Variants in POLR1B observed in about 807,000 individuals in gnomAD.
POLR1B encodes the protein DNA-directed RNA polymerase I subunit RPA2.
Under a neutral mutation model 105.8 loss-of-function variants are expected in POLR1B, and 30 were observed. That is an observed-to-expected ratio of 0.28 (90% confidence interval 0.21 to 0.38). The LOEUF (loss-of-function observed/expected upper bound fraction) is 0.38. POLR1B is among the 10% of genes least tolerant of loss of function. POLR1B has a pLI of 1.00. For missense variants in POLR1B, 976 were observed against 1,435.8 expected (o/e 0.68, Z 5.17); for synonymous variants, 485 against 505.1 (o/e 0.96, Z 0.53).
intron 12 of POLR1B, among the ~76,000 whole-genome samples, chr2:112,569,880 T>A (rs1428080998): frequency 6.6e-6 from 1 of 151,708 alleles, no homozygotes. Flanking sequence ...TTTTTTTCAG[T>A]TTAATTAAAT....
chr2:112,568,594 C>A, intron 11 of POLR1B, 152 bp from the exon 12 acceptor site: 1 of 799,330 alleles, frequency 1.3e-6, no homozygotes, highest in South Asian at 1.9e-5. Flanking sequence ...CTGGTCGCTT[C>A]CCTGTGCTTC....
rs1478636098 is a variant in POLR1B, at chr2:112,579,694, AT to A, written c.*3968del. 1.3e-5 allele frequency: 2 copies of A among 152,096 alleles called. No individual in the cohort carries two copies. The highest frequency in any genetic ancestry group is 4.8e-5 in the African/African-American group (2 of 41,414). The allele number at this position is 152,096 out of a possible 1,614,324, so 9.4% of individuals were successfully genotyped here. On this transcript the variant is annotated 3_prime_UTR_variant, in exon 15 of 15. Transcript: ENST00000263331. ...ATGTTGAACATCTCTTCATGTGTTT[AT>A]TTGCCATCTGTGTATCTTCAGTGAA...
At chr2:112,572,102 T>C (rs1684625761) in intron 12 of POLR1B, among the ~76,000 whole-genome samples, 1 of 152,232 alleles carries the variant, frequency 6.6e-6, no homozygotes, top group South Asian at 2.1e-4. Context: ...TCTCACCCCA[T>C]GCTCCACTAC....
chr2:112,567,319 G>GT (rs1346018818), intron 10 of POLR1B, among the ~76,000 whole-genome samples: 1 of 151,710 alleles, frequency 6.6e-6, no homozygotes, highest in African/African-American at 2.4e-5. Context: ...TGTTGTTGTT[G>GT]TTGTTTTCAG....
chr2:112,560,124 G>GA (rs904716273), intron 9 of POLR1B, among the ~76,000 whole-genome samples: 29 of 145,816 alleles, frequency 2.0e-4, no homozygotes, highest in African/African-American at 3.3e-4. Context: ...TTTTCTTTGG[G>GA]AAAAAAAAAA....
At chr2:112,554,870 C>T (rs1683568112) in intron 7 of POLR1B, among the ~76,000 whole-genome samples, 1 of 151,936 alleles carries the variant, frequency 6.6e-6, no homozygotes, top group Non-Finnish European at 1.5e-5. Flanking sequence ...AGAGAGATCG[C>T]TACAGAAATA....
At position 112,567,980 on chromosome 2, in the gene POLR1B, A is replaced by G. The variant is rs756494753; in HGVS notation, c.1760A>G (p.Lys587Arg). The G allele has an allele frequency of 6.2e-7, 1 of 1,613,724 alleles. No individual in the cohort carries two copies. The highest frequency in any genetic ancestry group is 8.5e-7 in the Non-Finnish European group (1 of 1,179,804). Residue 587 changes from lysine to arginine, a missense_variant, in exon 11 of 15, where the codon AAA (lysine) becomes AGA (arginine). Transcript: ENST00000263331. ...TGTTAAAAACAGGTGTTGAGAGAGA[A>G]AAGAATTCCTCCCTGGATGGAAGTG... ...SLRHFKVLREKRIPPWMEVVL... is the reference protein window; with the variant it reads ...SLRHFKVLRERRIPPWMEVVL...
chr2:112,572,099 C>T (rs1299400519), intron 12 of POLR1B, among the ~76,000 whole-genome samples: 2 of 152,112 alleles, frequency 1.3e-5, no homozygotes, highest in African/African-American at 4.8e-5. Context: ...GAATCTCACC[C>T]CATGCTCCAC....
intron 4 of POLR1B, among the ~76,000 whole-genome samples, chr2:112,550,321 G>A (rs1683305903): frequency 6.6e-6 from 1 of 152,202 alleles, no homozygotes; most frequent in African/African-American, 2.4e-5. Context: ...ACAGCATGTT[G>A]TATTCTTGAG....
At chr2:112,570,386 C>A (rs1684529569) in intron 12 of POLR1B, among the ~76,000 whole-genome samples, 1 of 152,152 alleles carries the variant, frequency 6.6e-6, no homozygotes, top group African/African-American at 2.4e-5. Flanking sequence ...ATCACAGTCA[C>A]TTTTTATTCT....
chr2:112,542,258 AG>A, upstream of POLR1B: 2 of 1,534,056 alleles, frequency 1.3e-6, no homozygotes, highest in Non-Finnish European at 1.7e-6. Flanking sequence ...GGAGAAAGGG[AG>A]GGCCCGCCAC....
intron 12 of POLR1B, among the ~76,000 whole-genome samples, chr2:112,571,996 A>G (rs751747241): frequency 3.9e-5 from 6 of 152,134 alleles, no homozygotes; most frequent in Non-Finnish European, 8.8e-5. Context: ...CTCTAAGTCT[A>G]TAATTTTTTT....
chr2:112,560,602 A>G (rs1220861240), intron 9 of POLR1B, among the ~76,000 whole-genome samples: 1 of 151,936 alleles, frequency 6.6e-6, no homozygotes, highest in East Asian at 1.9e-4. Flanking sequence ...TGATTTGGAG[A>G]CAGAAATGTT....
chr2:112,569,180 A>G (rs1386622803), intron 12 of POLR1B, among the ~76,000 whole-genome samples: 1 of 152,226 alleles, frequency 6.6e-6, no homozygotes, highest in Non-Finnish European at 1.5e-5. Flanking sequence ...GAATGTCCAT[A>G]GATTTGGGTG....
At chr2:112,562,310 G>A (rs1175644886) in intron 9 of POLR1B, among the ~76,000 whole-genome samples, 1 of 152,074 alleles carries the variant, frequency 6.6e-6, no homozygotes, top group Non-Finnish European at 1.5e-5. Flanking sequence ...CATTTAGGTG[G>A]CTTAGAAATA....
chr2:112,548,362 C>CA (rs1442638040), intron 3 of POLR1B: 2 of 152,180 alleles, frequency 1.3e-5, no homozygotes, highest in African/African-American at 4.8e-5. Flanking sequence ...ATAGCTACCC[C>CA]ACTCATTGTT....
At chr2:112,565,883 C>T (rs1468416450) in intron 10 of POLR1B, among the ~76,000 whole-genome samples, 1 of 152,172 alleles carries the variant, frequency 6.6e-6, no homozygotes, top group Non-Finnish European at 1.5e-5. Context: ...CTGGCTTGGT[C>T]TTTCTGGTGA....
chr2:112,562,509 C>A (rs1006444933), intron 9 of POLR1B, among the ~76,000 whole-genome samples: 6 of 152,032 alleles, frequency 3.9e-5, no homozygotes, highest in African/African-American at 1.5e-4. Flanking sequence ...ATGAATTTCT[C>A]GGTTTCCCAC....
chr2:112,561,529 A>G (rs1445970403), intron 9 of POLR1B, among the ~76,000 whole-genome samples: 1 of 152,046 alleles, frequency 6.6e-6, no homozygotes, highest in African/African-American at 2.4e-5. Context: ...TAAAGTTACC[A>G]GTGAATATTG....
Sources: allele counts gnomAD v4.1 joint callset (sites outside exome capture counted in the v4.1 genomes callset), GRCh38; gene constraint gnomAD v4.1.1; transcripts MANE v1.5; gene names NCBI Gene and HGNC (gene_info 2026-07-23, HGNC 2026-07-21).